DAB1: variants seen among roughly 807,000 people sequenced by gnomAD.
The protein encoded by DAB1 is DAB adaptor protein 1.
In DAB1, 15 loss-of-function variants were observed where a neutral mutation model predicts 64.6. The ratio of observed to expected loss-of-function variants is 0.23; its 90% CI spans 0.16 to 0.36. The LOEUF (loss-of-function observed/expected upper bound fraction) is 0.36. Ranked by LOEUF, DAB1 falls within the 10% of genes least tolerant of loss-of-function variation. DAB1 has a pLI of 1.00. For missense variants in DAB1, 596 were observed against 706.7 expected, an observed-to-expected ratio of 0.84 and a Z score of 1.78; for synonymous variants, 235 against 251.9, an observed-to-expected ratio of 0.93 and a Z score of 0.64.
intron 3 of DAB1, among the ~76,000 whole-genome samples, chr1:58,452,452 C>A (rs1006110459): frequency 1.3e-5 from 2 of 151,712 alleles, no homozygotes; most frequent in African/African-American, 4.8e-5. Context: ...CCAACTGGAA[C>A]TTTCATTCAC....
At chr1:57,175,604 G>T (rs909809105) in intron 2 of DAB1, among the ~76,000 whole-genome samples, 10 of 152,088 alleles carry the variant, frequency 6.6e-5, no homozygotes, top group African/African-American at 2.4e-4. Flanking sequence ...GTGAACACTA[G>T]GAAAATATTA....
At chr1:57,828,307 T>C (rs994923673) in intron 1 of DAB1, among the ~76,000 whole-genome samples, 2 of 152,214 alleles carry the variant, frequency 1.3e-5, no homozygotes, top group Non-Finnish European at 2.9e-5. Context: ...TTTTCTGAAG[T>C]TCTTACTGCT....
intron 9 of DAB1, among the ~76,000 whole-genome samples, chr1:57,047,333 C>T (rs1174933070): frequency 2.0e-5 from 3 of 152,114 alleles, no homozygotes; most frequent in African/African-American, 2.4e-5. Context: ...ATGTTTGGGT[C>T]CCTCCCAAAA....
At chr1:57,706,499 T>G (rs1646968365) in intron 6 of DAB1, among the ~76,000 whole-genome samples, 1 of 151,978 alleles carries the variant, frequency 6.6e-6, no homozygotes, top group Non-Finnish European at 1.5e-5. Flanking sequence ...TGTATTTTTT[T>G]GTAGAGATGG....
At chr1:57,713,671 T>C (rs979098087) in intron 6 of DAB1, among the ~76,000 whole-genome samples, 1 of 152,196 alleles carries the variant, frequency 6.6e-6, no homozygotes, top group African/African-American at 2.4e-5. Context: ...ATTTTGGCAA[T>C]GGCAAAGGAA....
At chr1:57,665,865 G>C (rs1258857315) in intron 6 of DAB1, among the ~76,000 whole-genome samples, 3 of 150,128 alleles carry the variant, frequency 2.0e-5, no homozygotes, top group Non-Finnish European at 4.4e-5. Flanking sequence ...GTGTGTGTGT[G>C]TGTGTGTGTG....
At chr1:57,996,115 T>C (rs893200905) in intron 5 of DAB1, among the ~76,000 whole-genome samples, 11 of 151,958 alleles carry the variant, frequency 7.2e-5, no homozygotes, top group African/African-American at 1.2e-4. Flanking sequence ...AAAAATTAGC[T>C]AGGCATGGTG....
chr1:58,337,037 C>T (rs1444055999), intron 4 of DAB1, among the ~76,000 whole-genome samples: 6 of 152,156 alleles, frequency 3.9e-5, no homozygotes, highest in Non-Finnish European at 7.4e-5. Flanking sequence ...AATCCCAGCA[C>T]TTTGGGAGGC....
chr1:57,043,715 T>G (rs920842388), intron 9 of DAB1, among the ~76,000 whole-genome samples: 1 of 152,110 alleles, frequency 6.6e-6, no homozygotes, highest in Non-Finnish European at 1.5e-5. Context: ...GGTGTGGCAG[T>G]GCATGCCTGT....
chr1:57,451,092 C>T (rs1358451410), intron 7 of DAB1, among the ~76,000 whole-genome samples: 1 of 152,214 alleles, frequency 6.6e-6, no homozygotes, highest in Non-Finnish European at 1.5e-5. Flanking sequence ...TGCCAGCATT[C>T]CTTACAGGTC....
intron 14 of DAB1, among the ~76,000 whole-genome samples, chr1:56,999,302 T>C (rs996094380): frequency 6.6e-6 from 1 of 152,178 alleles, no homozygotes; most frequent in Non-Finnish European, 1.5e-5. Flanking sequence ...TTAGATAATT[T>C]GCCCATGGTC....
chr1:57,418,157 C>T (rs1684633094), intron 1 of DAB1, among the ~76,000 whole-genome samples: 1 of 152,172 alleles, frequency 6.6e-6, no homozygotes, highest in South Asian at 2.1e-4. Context: ...AAAGTAGGTG[C>T]TCAGTAAACA....
intron 4 of DAB1, among the ~76,000 whole-genome samples, chr1:58,242,643 T>C (rs115229941): frequency 5.9e-5 from 9 of 152,220 alleles, no homozygotes; most frequent in African/African-American, 2.2e-4. Context: ...TTTAAACAAT[T>C]TGGAAAAAGT....
chr1:58,471,239 A>T (rs7517074), intron 3 of DAB1, among the ~76,000 whole-genome samples: 32 of 152,170 alleles, frequency 2.1e-4, no homozygotes, highest in African/African-American at 7.5e-4. Flanking sequence ...TGATATCTTG[A>T]CACAACACTT....
intron 7 of DAB1, among the ~76,000 whole-genome samples, chr1:57,576,963 A>C (rs1645256755): frequency 6.6e-6 from 1 of 152,176 alleles, no homozygotes. Flanking sequence ...CCTCTACGTG[A>C]ACCTGACTTG....
chr1:57,961,122 G>A (rs1313200348), intron 5 of DAB1, among the ~76,000 whole-genome samples: 1 of 152,170 alleles, frequency 6.6e-6, no homozygotes, highest in African/African-American at 2.4e-5. Context: ...TTAATGCAAA[G>A]CAAAGTCCTG....
At chr1:58,295,851 G>A (rs1375521296) in intron 4 of DAB1, among the ~76,000 whole-genome samples, 2 of 151,954 alleles carry the variant, frequency 1.3e-5, no homozygotes, top group Middle Eastern at 3.2e-3. Flanking sequence ...AGCACTTTGG[G>A]AGGTCAAGGT....
intron 4 of DAB1, among the ~76,000 whole-genome samples, chr1:58,198,263 A>G (rs1156722642): frequency 2.0e-5 from 3 of 152,266 alleles, no homozygotes; most frequent in Non-Finnish European, 4.4e-5. Context: ...ACATAGTGTA[A>G]GCGGTATTGT....
In DAB1 at chr1:57,689,016, C is replaced by T. The variant is rs574363384; in HGVS notation, n.552-39351G>A. ...TCCATACCCAAATCTCAGTGTCACA[C>T]AATATGCCCATGTAACACACCTGCA... On this transcript the variant is annotated intron_variant and non_coding_transcript_variant, in intron 6 of 20. Transcript: ENST00000485760. Among the ~76,000 whole-genome samples, 9 of 152,236 alleles carry T rather than the reference C, an allele frequency of 5.9e-5. No homozygotes were observed. The South Asian group carries it at 6.2e-4, about 11-fold the overall frequency.
Sources: gnomAD v4.1 joint callset for allele counts (sites outside exome capture counted in the v4.1 genomes callset) on GRCh38, gnomAD v4.1.1 for gene constraint, MANE v1.5 for transcripts, NCBI Gene and HGNC (gene_info 2026-07-23, HGNC 2026-07-21) for gene names.